Variants in GPC5 observed in about 807,000 individuals in gnomAD.
The protein encoded by GPC5 is glypican-5.
Under a neutral mutation model 53.9 loss-of-function variants are expected in GPC5, and 47 were observed. That is an observed-to-expected ratio of 0.87 (90% CI 0.69 to 1.11). The LOEUF (loss-of-function observed/expected upper bound fraction) is 1.11. GPC5 is among the 50% of genes most tolerant of loss of function. The pLI, the probability that GPC5 is intolerant of heterozygous loss-of-function variation, is 0.00. For missense variants in GPC5, 748 were observed against 713.1 expected (o/e 1.05, Z -0.56); for synonymous variants, 286 against 263.3 (o/e 1.09, Z -0.84).
chr13:91,449,049 G>A (rs1881000620), intron 2 of GPC5, 127 bp downstream of exon 2: 2 of 1,080,672 alleles, frequency 1.9e-6, no homozygotes, highest in Middle Eastern at 2.6e-4. Context: ...TATAAAATGA[G>A]GTTTTAACTT....
At chr13:92,423,052 G>A (rs1371134908) in intron 7 of GPC5, among the ~76,000 whole-genome samples, 1 of 152,190 alleles carries the variant, frequency 6.6e-6, no homozygotes, top group East Asian at 1.9e-4. Flanking sequence ...TACATTGAGT[G>A]TAGAGTGAGG....
chr13:92,477,050 A>T (rs868701989), intron 7 of GPC5, among the ~76,000 whole-genome samples: 2 of 149,584 alleles, frequency 1.3e-5, no homozygotes, highest in South Asian at 2.1e-4. Flanking sequence ...ATAATAATAA[A>T]AAATAAATAA....
At chr13:91,522,988 G>A (rs936134688) in intron 2 of GPC5, among the ~76,000 whole-genome samples, 5 of 152,096 alleles carry the variant, frequency 3.3e-5, no homozygotes, top group African/African-American at 4.8e-5. Flanking sequence ...TGAGCTGCAC[G>A]CTCTTTTTCA....
intron 2 of GPC5, among the ~76,000 whole-genome samples, chr13:91,610,712 C>G (rs146265190): frequency 6.6e-6 from 1 of 152,130 alleles, no homozygotes; most frequent in East Asian, 1.9e-4. Context: ...AAGTATCATC[C>G]CAAATCTGGA....
intron 2 of GPC5, among the ~76,000 whole-genome samples, chr13:91,680,476 T>G (rs903833608): frequency 2.6e-5 from 4 of 151,954 alleles, no homozygotes; most frequent in African/African-American, 9.7e-5. Flanking sequence ...AAAAAAGTGA[T>G]GAAATGTGTC....
chr13:92,282,860 T>C (rs572942691), intron 7 of GPC5, among the ~76,000 whole-genome samples: 20 of 152,268 alleles, frequency 1.3e-4, no homozygotes, highest in Admixed American at 1.2e-3. Flanking sequence ...CCAGCTAACA[T>C]CATAATGACA....
chr13:92,841,449 CAGT>C (rs931352417), intron 7 of GPC5, among the ~76,000 whole-genome samples: 89 of 152,130 alleles, frequency 5.9e-4, no homozygotes, highest in African/African-American at 2.1e-3. Flanking sequence ...TAATACTAAT[CAGT>C]AGTTGCAACA....
chr13:92,594,298 C>A (rs183253439), intron 7 of GPC5, among the ~76,000 whole-genome samples: 128 of 152,266 alleles, frequency 8.4e-4, no homozygotes, highest in Non-Finnish European at 8.4e-4. Flanking sequence ...AGGCACGGGA[C>A]TGTCACTCTC....
chr13:92,127,749 GTT>G (rs1328834980), intron 6 of GPC5, among the ~76,000 whole-genome samples: 1 of 152,118 alleles, frequency 6.6e-6, no homozygotes, highest in Admixed American at 6.5e-5. Context: ...AATGTATAAA[GTT>G]TTTATTTAAC....
intron 5 of GPC5, among the ~76,000 whole-genome samples, chr13:91,831,296 C>T (rs556658295): frequency 6.6e-6 from 1 of 151,474 alleles, no homozygotes; most frequent in African/African-American, 2.4e-5. Flanking sequence ...CTAGGACAAT[C>T]TCTCATTTTT....
At chr13:91,662,681 T>C (rs1290414399) in intron 2 of GPC5, among the ~76,000 whole-genome samples, 1 of 152,196 alleles carries the variant, frequency 6.6e-6, no homozygotes, top group Non-Finnish European at 1.5e-5. Context: ...GGATTTTCAT[T>C]TGGTTCTGTA....
At chr13:91,996,866 T>C (rs1224203690) in intron 6 of GPC5, among the ~76,000 whole-genome samples, 1 of 152,218 alleles carries the variant, frequency 6.6e-6, no homozygotes, top group East Asian at 1.9e-4. Flanking sequence ...ATCCATGTTG[T>C]AGTATGTAGC....
At chr13:91,874,900 A>G (rs547587422) in intron 5 of GPC5, among the ~76,000 whole-genome samples, 2 of 152,316 alleles carry the variant, frequency 1.3e-5, no homozygotes, top group East Asian at 3.9e-4. Flanking sequence ...ATTATCTAGC[A>G]AAAACAAACC....
intron 7 of GPC5, among the ~76,000 whole-genome samples, chr13:92,188,988 T>C (rs2042203654): frequency 6.6e-6 from 1 of 152,168 alleles, no homozygotes; most frequent in Admixed American, 6.5e-5. Flanking sequence ...AGAAACTCAC[T>C]TGCTGAAAGC....
intron 2 of GPC5, among the ~76,000 whole-genome samples, chr13:91,616,258 T>C (rs2033692866): frequency 6.6e-6 from 1 of 152,130 alleles, no homozygotes; most frequent in Non-Finnish European, 1.5e-5. Context: ...ATTGGTTTCA[T>C]TTAAAGAAAC....
chr13:91,908,333 T>G (rs2039576559), intron 6 of GPC5, among the ~76,000 whole-genome samples: 1 of 152,058 alleles, frequency 6.6e-6, no homozygotes, highest in Non-Finnish European at 1.5e-5. Context: ...TGCTTTGTCT[T>G]CAGTGAATAA....
At chr13:92,571,955 T>C (rs961822837) in intron 7 of GPC5, among the ~76,000 whole-genome samples, 5 of 151,986 alleles carry the variant, frequency 3.3e-5, no homozygotes, top group Admixed American at 1.3e-4. Context: ...GGATCACCTG[T>C]GCCCAGGAGG....
intron 6 of GPC5, among the ~76,000 whole-genome samples, chr13:92,086,157 T>A (rs924238090): frequency 6.6e-6 from 1 of 152,216 alleles, no homozygotes; most frequent in Admixed American, 6.5e-5. Flanking sequence ...GCTGGCATTG[T>A]CCTAACCCTG....
At chr13:91,682,254 G>T (rs2035525695) in intron 2 of GPC5, among the ~76,000 whole-genome samples, 1 of 152,144 alleles carries the variant, frequency 6.6e-6, no homozygotes, top group Non-Finnish European at 1.5e-5. Flanking sequence ...CCCGTATCAT[G>T]GGTTGGAGAA....
Sources: gnomAD v4.1 joint callset for allele counts (sites outside exome capture counted in the v4.1 genomes callset) on GRCh38, gnomAD v4.1.1 for gene constraint, MANE v1.5 for transcripts, NCBI Gene and HGNC (gene_info 2026-07-23, HGNC 2026-07-21) for gene names.